The following CCSER2 variants were observed in gnomAD, a reference collection of about 807,000 sequenced individuals.
CCSER2 encodes the protein coiled-coil serine rich protein 2, also known as serine-rich coiled-coil domain-containing protein 2.
In CCSER2, 46 loss-of-function variants were observed where a neutral mutation model predicts 92.3. The observed-to-expected ratio is 0.50, with a 90% CI of 0.39 to 0.64. The LOEUF is 0.64. CCSER2 is among the 30% of genes least tolerant of loss of function. The pLI is 0.00. For missense variants in CCSER2, 1,244 were observed against 1,238.9 expected, an observed-to-expected ratio of 1.00 and a Z score of -0.06; for synonymous variants, 433 against 431.4, an observed-to-expected ratio of 1.00 and a Z score of -0.04.
At chr10:84,411,977 T>C (rs1842673478) in intron 3 of CCSER2, among the ~76,000 whole-genome samples, 1 of 152,200 alleles carries the variant, frequency 6.6e-6, no homozygotes, top group African/African-American at 2.4e-5. Context: ...TTTTGAGGTA[T>C]GTTCCTTCAC....
At chr10:84,485,950 G>A (rs1847782649) in intron 9 of CCSER2, among the ~76,000 whole-genome samples, 1 of 152,086 alleles carries the variant, frequency 6.6e-6, no homozygotes, top group African/African-American at 2.4e-5. Flanking sequence ...GTGTCCAAGT[G>A]TTCTCATTGT....
At chr10:84,448,013 TC>T (rs1845034883) in intron 6 of CCSER2, among the ~76,000 whole-genome samples, 1 of 152,186 alleles carries the variant, frequency 6.6e-6, no homozygotes, top group South Asian at 2.1e-4. Flanking sequence ...CTCCCACTCT[TC>T]CGTGTACCCT....
At chr10:84,460,015 G>A (rs779753249) in intron 6 of CCSER2, among the ~76,000 whole-genome samples, 123 of 151,106 alleles carry the variant, frequency 8.1e-4, no homozygotes, top group Admixed American at 2.9e-3. Flanking sequence ...AACCAGCTTT[G>A]CATTGGTGGG....
At chr10:84,354,557 C>T (rs1471984608) in intron 1 of CCSER2, among the ~76,000 whole-genome samples, 3 of 137,852 alleles carry the variant, frequency 2.2e-5, no homozygotes, top group South Asian at 2.8e-4. Flanking sequence ...CCCCCCGCCC[C>T]GCTTCCCCCT....
intron 9 of CCSER2, among the ~76,000 whole-genome samples, chr10:84,483,615 T>C (rs1231354945): frequency 6.6e-6 from 1 of 151,948 alleles, no homozygotes; most frequent in Admixed American, 6.6e-5. Context: ...CTCTATTTTT[T>C]CTTGCCTGAG....
intron 6 of CCSER2, among the ~76,000 whole-genome samples, chr10:84,448,836 C>T (rs1464282019): frequency 6.6e-6 from 1 of 152,068 alleles, no homozygotes; most frequent in Non-Finnish European, 1.5e-5. Flanking sequence ...TTGTTGTGTA[C>T]TCTTTTTGTT....
chr10:84,414,752 T>C (rs1564640345), intron 3 of CCSER2, among the ~76,000 whole-genome samples: 2 of 152,182 alleles, frequency 1.3e-5, no homozygotes, highest in African/African-American at 2.4e-5. Flanking sequence ...CCCAAGTTGG[T>C]TCCATTCTCC....
intron 1 of CCSER2, among the ~76,000 whole-genome samples, chr10:84,344,273 A>T (rs975519470): frequency 6.6e-6 from 1 of 152,052 alleles, no homozygotes; most frequent in Non-Finnish European, 1.5e-5. Flanking sequence ...AAAACTTAAG[A>T]TTCTCTCATT....
At chr10:84,438,959 T>C (rs1844356098) in intron 6 of CCSER2, among the ~76,000 whole-genome samples, 1 of 152,190 alleles carries the variant, frequency 6.6e-6, no homozygotes, top group South Asian at 2.1e-4. Flanking sequence ...TGCTTCTGTT[T>C]CTTCATTTTC....
intron 3 of CCSER2, 57 bp downstream of exon 3, chr10:84,373,872 TTGTGA>T: frequency 6.2e-7 from 1 of 1,600,964 alleles, no homozygotes; most frequent in Non-Finnish European, 8.5e-7. Flanking sequence ...ATAGAGAGAC[TTGTGA>T]TATGATTGAT....
Position 84,493,968 on chromosome 10 carries a change from G to A in CCSER2, c.2325+16304G>A, listed in dbSNP as rs188279780. Among the ~76,000 whole-genome samples the A allele has an allele frequency of 2.7e-3, 409 of 152,322 alleles. 3 individuals carry two copies. Among genetic ancestry groups the A allele is most frequent in the African/African-American group, 9.0e-3 (376 of 41,576 alleles). ...ATCTGGCATTAGATTATCATAAGGA[G>A]CAAGCAACCTAGATTTCTCGCATGT... On this transcript the variant is annotated intron_variant, in intron 9 of 9. Transcript: ENST00000372088.
intron 3 of CCSER2, among the ~76,000 whole-genome samples, chr10:84,377,070 CAA>C (rs1166564284): frequency 6.6e-6 from 1 of 151,882 alleles, no homozygotes; most frequent in East Asian, 1.9e-4. Context: ...TATTTTATAT[CAA>C]TATGTAGATG....
At chr10:84,381,551 G>A (rs754666082) in intron 3 of CCSER2, among the ~76,000 whole-genome samples, 2 of 152,148 alleles carry the variant, frequency 1.3e-5, no homozygotes, top group Non-Finnish European at 1.5e-5. Flanking sequence ...CCTTTTGGGA[G>A]TCTAGAATTT....
intron 6 of CCSER2, among the ~76,000 whole-genome samples, chr10:84,441,734 A>AATTTT (rs1564667378): frequency 2.8e-5 from 3 of 106,410 alleles, no homozygotes; most frequent in Non-Finnish European, 3.7e-5. Context: ...GACTGGGAAA[A>AATTTT]TGTTTTTTTT....
Position 84,498,622 on chromosome 10 carries a change from A to G in CCSER2, c.2326-14827A>G, listed in dbSNP as rs368158005. Among the ~76,000 whole-genome samples the G allele has an allele frequency of 9.2e-5, 14 of 152,324 alleles. No homozygotes were observed. The East Asian group carries it at 2.5e-3, about 27-fold the overall frequency. On this transcript the variant is annotated intron_variant, in intron 9 of 9. Transcript: ENST00000372088. ...CAGACCCTTCATAAGATCTGTAAAC[A>G]CTGTTAAACTATTATCGTAATTTTT...
Position 84,371,323 on chromosome 10 carries a change from A to G in CCSER2, c.271A>G (p.Lys91Glu), listed in dbSNP as rs757063614. Residue 91 changes from lysine to glutamate, a missense_variant, in exon 2 of 10, where the codon AAA becomes GAA. Physicochemically the swap from Lys to Glu is moderately conservative, Grantham distance 56. Transcript: ENST00000372088. ...EPNNTQNSHD[K>E]IIDPEKRVPT... ...TAACAATACTCAAAATTCACATGAT[A>G]AAATAATTGATCCTGAAAAACGTGT... 5.5e-5 allele frequency: 89 copies of G among 1,613,624 alleles called. No homozygotes were observed. Among genetic ancestry groups the G allele is most frequent in the Non-Finnish European group, 6.9e-5 (81 of 1,179,842 alleles).
chr10:84,437,841 T>G (rs145028331), intron 5 of CCSER2, among the ~76,000 whole-genome samples: 129 of 151,242 alleles, frequency 8.5e-4, no homozygotes, highest in African/African-American at 3.0e-3. Flanking sequence ...GCCTCCTAAG[T>G]AACTAGGATT....
chr10:84,354,417 C>G (rs902734014), intron 1 of CCSER2, among the ~76,000 whole-genome samples: 1 of 152,022 alleles, frequency 6.6e-6, no homozygotes, highest in Non-Finnish European at 1.5e-5. Flanking sequence ...CCCAATTATT[C>G]TTTTTGGTTC....
At chr10:84,361,882 C>G (rs1197143328) in intron 1 of CCSER2, among the ~76,000 whole-genome samples, 1 of 152,112 alleles carries the variant, frequency 6.6e-6, no homozygotes, top group Non-Finnish European at 1.5e-5. Context: ...TCAGGTGATC[C>G]GCCCACCTCG....
Sources: allele counts gnomAD v4.1 joint callset (sites outside exome capture counted in the v4.1 genomes callset), GRCh38; gene constraint gnomAD v4.1.1; transcripts MANE v1.5; gene names NCBI Gene and HGNC (gene_info 2026-07-23, HGNC 2026-07-21).